NRG1: variants seen among roughly 807,000 people sequenced by gnomAD.
NRG1 encodes pro-neuregulin-1, membrane-bound isoform.
In NRG1, 18 loss-of-function variants were observed where a neutral mutation model predicts 63.8. That is an observed-to-expected ratio of 0.28 (90% CI 0.19 to 0.42). The LOEUF (loss-of-function observed/expected upper bound fraction) is 0.42, where lower values mean the gene tolerates loss of function less well. NRG1 is among the 10% of genes least tolerant of loss of function. The probability of loss-of-function intolerance (pLI) is 1.00; values close to 1 mark genes in which losing one functional copy is unlikely to be tolerated. For synonymous variants in NRG1, 302 were observed against 301.3 expected (o/e 1.00, Z -0.02); for missense variants, 762 against 814.7 (o/e 0.94, Z 0.79).
At chr8:32,469,075 A>T (rs1051655593) in intron 1 of NRG1, among the ~76,000 whole-genome samples, 4 of 152,210 alleles carry the variant, frequency 2.6e-5, no homozygotes, top group Admixed American at 1.3e-4. Context: ...ATAACTAACA[A>T]GGGAAACGAT....
chr8:32,281,268 C>T (rs2129473296), intron 1 of NRG1, among the ~76,000 whole-genome samples: 1 of 147,920 alleles, frequency 6.8e-6, no homozygotes, highest in South Asian at 2.2e-4. Flanking sequence ...ACCTCCGCTC[C>T]TGAGTTCAAG....
At chr8:32,698,967 C>T (rs957821163) in intron 5 of NRG1, among the ~76,000 whole-genome samples, 2 of 152,120 alleles carry the variant, frequency 1.3e-5, no homozygotes, top group Admixed American at 6.5e-5. Context: ...TATATTCCAC[C>T]TCATTCATTT....
chr8:32,280,532 A>G (rs1852588960), intron 1 of NRG1, among the ~76,000 whole-genome samples: 1 of 152,146 alleles, frequency 6.6e-6, no homozygotes, highest in Admixed American at 6.5e-5. Flanking sequence ...GCAAATTCAT[A>G]GAGAGAGAAA....
chr8:32,511,691 T>G (rs559508491), intron 1 of NRG1, among the ~76,000 whole-genome samples: 1 of 152,190 alleles, frequency 6.6e-6, no homozygotes, highest in East Asian at 1.9e-4. Context: ...TGCAATGGCT[T>G]GTATTTGAGT....
intron 1 of NRG1, among the ~76,000 whole-genome samples, chr8:32,166,482 T>C (rs1028368817): frequency 1.3e-4 from 20 of 152,184 alleles, no homozygotes; most frequent in African/African-American, 4.6e-4. Flanking sequence ...TCAACACTGT[T>C]TTAGCAGTGA....
At chr8:32,155,333 G>A (rs1307270915) in intron 1 of NRG1, among the ~76,000 whole-genome samples, 1 of 152,138 alleles carries the variant, frequency 6.6e-6, no homozygotes, top group Non-Finnish European at 1.5e-5. Flanking sequence ...TTTGAATCTT[G>A]AGTTTTCTTC....
Position 32,554,915 on chromosome 8 carries a change from T to TTCTCTCTC in NRG1, c.100+6097_100+6104dup, listed in dbSNP as rs71208194. On this transcript the variant is annotated intron_variant, in intron 1 of 11. Transcript: ENST00000356819. ...CTATTCCCCAAAGACTGCTTTTTTC[T>TTCTCTCTC]TCTCTCTCTCTCTCTTTTTTTTTTT... Among the ~76,000 whole-genome samples the TTCTCTCTC allele has an allele frequency of 2.0e-5, 3 of 147,200 alleles. No homozygotes were observed. In the East Asian group the frequency reaches 5.9e-4, roughly 29 times the overall value.
chr8:32,390,190 A>G (rs981670616), intron 1 of NRG1, among the ~76,000 whole-genome samples: 4 of 152,056 alleles, frequency 2.6e-5, no homozygotes, highest in Admixed American at 2.6e-4. Context: ...GGTGTCCCTG[A>G]TTCTGGAAAT....
intron 1 of NRG1, among the ~76,000 whole-genome samples, chr8:31,982,719 C>G (rs914650549): frequency 6.6e-6 from 1 of 152,062 alleles, no homozygotes; most frequent in African/African-American, 2.4e-5. Context: ...AGAGAAGTCT[C>G]TGATGGTGTG....
intron 1 of NRG1, among the ~76,000 whole-genome samples, chr8:32,570,129 G>A (rs2466101): frequency 1.3e-5 from 2 of 151,722 alleles, no homozygotes; most frequent in East Asian, 3.9e-4. Context: ...GGCTGGTCTC[G>A]GACTCCTGAC....
At chr8:32,284,499 C>CTTCT (rs1279255218) in intron 1 of NRG1, among the ~76,000 whole-genome samples, 1 of 147,718 alleles carries the variant, frequency 6.8e-6, no homozygotes, top group Non-Finnish European at 1.5e-5. Context: ...GCCTTCCTTC[C>CTTCT]TTCCTTCCTT....
chr8:32,008,602 C>T (rs1465129563), intron 1 of NRG1, among the ~76,000 whole-genome samples: 4 of 151,970 alleles, frequency 2.6e-5, no homozygotes, highest in East Asian at 1.9e-4. Flanking sequence ...GGAGTGTTTT[C>T]CAAAAACTTG....
chr8:32,132,959 C>A (rs1279992983), intron 1 of NRG1, among the ~76,000 whole-genome samples: 3 of 151,748 alleles, frequency 2.0e-5, no homozygotes, highest in Non-Finnish European at 4.4e-5. Flanking sequence ...GTCTTCCTTC[C>A]TTCCTTCCTT....
At chr8:32,389,759 C>CTTTT (rs201406660) in intron 1 of NRG1, among the ~76,000 whole-genome samples, 9 of 145,720 alleles carry the variant, frequency 6.2e-5, no homozygotes, top group South Asian at 2.2e-4. Flanking sequence ...GTCTTTCTTT[C>CTTTT]TTTTTTTTTT....
At chr8:32,205,362 G>T (rs1034181888) in intron 1 of NRG1, among the ~76,000 whole-genome samples, 1 of 152,128 alleles carries the variant, frequency 6.6e-6, no homozygotes, top group African/African-American at 2.4e-5. Context: ...CTCTGAACGT[G>T]TGTTACTACC....
intron 1 of NRG1, among the ~76,000 whole-genome samples, chr8:31,940,249 TC>T (rs1801553799): frequency 6.6e-6 from 1 of 151,932 alleles, no homozygotes; most frequent in Admixed American, 6.6e-5. Context: ...CCTAAAGGCA[TC>T]CCCAAACCAT....
intron 1 of NRG1, among the ~76,000 whole-genome samples, chr8:32,176,689 A>G (rs1444246065): frequency 2.0e-5 from 3 of 152,218 alleles, no homozygotes; most frequent in Non-Finnish European, 4.4e-5. Context: ...ACACTTCTCA[A>G]AAGAAGACAT....
At chr8:32,102,144 A>G (rs1028904026) in intron 1 of NRG1, among the ~76,000 whole-genome samples, 1 of 152,056 alleles carries the variant, frequency 6.6e-6, no homozygotes, top group African/African-American at 2.4e-5. Flanking sequence ...ATAATTGAAG[A>G]CTTTTTCTTT....
chr8:32,031,898 C>A (rs544165875), intron 1 of NRG1, among the ~76,000 whole-genome samples: 8 of 152,058 alleles, frequency 5.3e-5, no homozygotes, highest in Non-Finnish European at 1.0e-4. Flanking sequence ...TCTTTGCTAT[C>A]GTGACTAGTG....
Sources: allele counts gnomAD v4.1 joint callset (sites outside exome capture counted in the v4.1 genomes callset), GRCh38; gene constraint gnomAD v4.1.1; transcripts MANE v1.5; gene names NCBI Gene and HGNC (gene_info 2026-07-23, HGNC 2026-07-21).